Variants in CDR2 observed in about 807,000 individuals in gnomAD.
The protein encoded by CDR2 is cerebellar degeneration-related protein 2.
A neutral mutation model predicts 48.4 loss-of-function variants in CDR2; 34 were observed. The ratio of observed to expected loss-of-function variants is 0.70; its 90% CI spans 0.53 to 0.94. The LOEUF (loss-of-function observed/expected upper bound fraction) is 0.94. Among genes scored for constraint, CDR2 ranks in the 40% least tolerant of loss-of-function variants. CDR2 has a pLI of 0.00. For missense variants in CDR2, 498 were observed against 549.5 expected (o/e 0.91, Z 0.94); for synonymous variants, 240 against 219.7 (o/e 1.09, Z -0.82).
intron 2 of CDR2, among the ~76,000 whole-genome samples, chr16:22,361,415 G>C (rs542767689): frequency 6.6e-6 from 1 of 152,320 alleles, no homozygotes; most frequent in Admixed American, 6.5e-5. Flanking sequence ...CATATGCAAG[G>C]GTCATTGTTT....
chr16:22,364,898 T>C lies in CDR2; in HGVS notation c.192+4A>G. The stretch of plus-strand genomic sequence containing the variant: ...AAGTGTAACTCTCCTGCCAAGTGAA[T>C]TACCTCAATTTCCTGTAACTGCTCC... On this transcript the variant is annotated splice_donor_region_variant and intron_variant, in intron 2 of 4. Transcript: ENST00000268383. The C allele has an allele frequency of 6.4e-7, 1 of 1,555,820 alleles. No individual in the cohort carries two copies. Among genetic ancestry groups the C allele is most frequent in the Non-Finnish European group, 8.9e-7 (1 of 1,127,098 alleles).
chr16:22,365,453 CAT>C (rs1368102582), intron 1 of CDR2, among the ~76,000 whole-genome samples: 2 of 152,110 alleles, frequency 1.3e-5, no homozygotes, highest in Non-Finnish European at 2.9e-5. Context: ...AGTTTATTGT[CAT>C]ATATCCTGGA....
At chr16:22,365,282 T>C (rs1215531253) in intron 1 of CDR2, 1 of 279,806 alleles carries the variant, frequency 3.6e-6, no homozygotes, top group South Asian at 8.2e-5. Context: ...GAATGATCAT[T>C]CCGCAGTGTT....
At chr16:22,353,342 G>A (rs1057362210) in intron 2 of CDR2, among the ~76,000 whole-genome samples, 2 of 152,184 alleles carry the variant, frequency 1.3e-5, no homozygotes, top group Non-Finnish European at 2.9e-5. Context: ...AAGAGCACAG[G>A]CTTTGGAGTC....
intron 2 of CDR2, among the ~76,000 whole-genome samples, chr16:22,353,836 G>A (rs1005667164): frequency 1.1e-4 from 17 of 152,208 alleles, no homozygotes; most frequent in Non-Finnish European, 2.2e-4. Flanking sequence ...AGATATGTTA[G>A]TAAGCTTGTT....
chr16:22,372,752 TA>T (rs1404844754), intron 1 of CDR2, among the ~76,000 whole-genome samples: 1 of 152,212 alleles, frequency 6.6e-6, no homozygotes, highest in African/African-American at 2.4e-5. Flanking sequence ...TCTGTAAGTG[TA>T]ATAAAGGTGA....
At chr16:22,353,703 TTTGTC>T (rs1183910782) in intron 2 of CDR2, among the ~76,000 whole-genome samples, 1 of 152,174 alleles carries the variant, frequency 6.6e-6, no homozygotes, top group Non-Finnish European at 1.5e-5. Context: ...GTTCTTCCCC[TTTGTC>T]TTGTCACTTC....
At chr16:22,368,995 C>T (rs1724085259) in intron 1 of CDR2, 1 of 152,136 alleles carries the variant, frequency 6.6e-6, no homozygotes, top group East Asian at 1.9e-4. Context: ...AATGTGTATA[C>T]ATAGACCCAT....
intron 1 of CDR2, among the ~76,000 whole-genome samples, chr16:22,373,827 G>A (rs2049095804): frequency 6.6e-6 from 1 of 152,246 alleles, no homozygotes; most frequent in Non-Finnish European, 1.5e-5. Context: ...CCTCCACGCT[G>A]GCCATGAAAG....
At chr16:22,370,154 T>C (rs1441292717) in intron 1 of CDR2, among the ~76,000 whole-genome samples, 2 of 152,216 alleles carry the variant, frequency 1.3e-5, no homozygotes, top group African/African-American at 4.8e-5. Flanking sequence ...CTGGCAGCTG[T>C]AGTCTGTAGG....
chr16:22,351,633 C>T (rs911041789), intron 2 of CDR2, among the ~76,000 whole-genome samples: 3 of 152,132 alleles, frequency 2.0e-5, no homozygotes, highest in Non-Finnish European at 4.4e-5. Flanking sequence ...TTCAAAGACT[C>T]CTGTTATTTT....
At chr16:22,359,534 C>A (rs1056935976) in intron 2 of CDR2, among the ~76,000 whole-genome samples, 5 of 152,120 alleles carry the variant, frequency 3.3e-5, no homozygotes, top group Admixed American at 1.3e-4. Flanking sequence ...ACCAAAGTAA[C>A]AATTTATACT....
In CDR2 at chr16:22,347,663, A is replaced by G; in HGVS notation, c.667T>C (p.Tyr223His). ...RQKRVTMEEE[Y>H]GLVLKENSEL... The stretch of plus-strand genomic sequence containing the variant: ...CTGTTCTCCTTTAACACGAGCCCAT[A>G]TTCCTCCTCCATAGTCACCCGCTTC... Residue 223 changes from tyrosine (Y) to histidine (H), a missense_variant, in exon 5 of 5, where the codon TAT becomes CAT. Coordinates refer to ENST00000268383, the MANE Select transcript of CDR2 (RefSeq NM_001802.2). The G allele has an allele frequency of 1.2e-6, 2 of 1,613,718 alleles. No individual in the cohort carries two copies. The highest frequency in any genetic ancestry group is 2.2e-5 in the East Asian group (1 of 44,848).
intron 2 of CDR2, among the ~76,000 whole-genome samples, chr16:22,360,304 A>T (rs1165548927): frequency 6.6e-6 from 1 of 152,226 alleles, no homozygotes; most frequent in African/African-American, 2.4e-5. Flanking sequence ...ACTGAAAAAA[A>T]GTAAGACAGG....
At chr16:22,367,311 A>T (rs2049050228) in intron 1 of CDR2, 1 of 152,370 alleles carries the variant, frequency 6.6e-6, no homozygotes, top group Non-Finnish European at 1.5e-5. Flanking sequence ...TACAGGCATG[A>T]GCCACTGTGC....
chr16:22,368,089 T>TA (rs2049054269), intron 1 of CDR2, among the ~76,000 whole-genome samples: 1 of 151,932 alleles, frequency 6.6e-6, no homozygotes, highest in Non-Finnish European at 1.5e-5. Context: ...GTCTCAAAAA[T>TA]AAAAAAATAA....
intron 1 of CDR2, among the ~76,000 whole-genome samples, chr16:22,367,827 C>T (rs1305024348): frequency 6.6e-6 from 1 of 152,208 alleles, no homozygotes; most frequent in African/African-American, 2.4e-5. Flanking sequence ...AAACATTTTA[C>T]ACCCATTTAA....
At chr16:22,367,567 GA>G (rs1460219493) in intron 1 of CDR2, among the ~76,000 whole-genome samples, 5 of 152,034 alleles carry the variant, frequency 3.3e-5, no homozygotes, top group African/African-American at 4.8e-5. Flanking sequence ...AAAGTATTAT[GA>G]AAAAAATTTA....
chr16:22,371,037 C>G (rs1186486323), intron 1 of CDR2, among the ~76,000 whole-genome samples: 1 of 152,018 alleles, frequency 6.6e-6, no homozygotes, highest in African/African-American at 2.4e-5. Context: ...ATGGGGAAAC[C>G]CCGTCTCTAC....
Sources: gnomAD v4.1 joint callset for allele counts (sites outside exome capture counted in the v4.1 genomes callset) on GRCh38, gnomAD v4.1.1 for gene constraint, MANE v1.5 for transcripts, NCBI Gene and HGNC (gene_info 2026-07-23, HGNC 2026-07-21) for gene names.